SSPN: variants seen among roughly 807,000 people sequenced by gnomAD.
The protein encoded by SSPN is K-ras oncogene-associated protein.
A neutral mutation model predicts 19.1 loss-of-function variants in SSPN; 15 were observed. The observed-to-expected ratio is 0.78, with a 90% CI of 0.52 to 1.21. The LOEUF is 1.21. SSPN is among the 50% of genes most tolerant of loss of function. SSPN has a pLI of 0.00. For missense variants in SSPN, 291 were observed against 314.0 expected, an observed-to-expected ratio of 0.93 and a Z score of 0.55; for synonymous variants, 147 against 140.3, an observed-to-expected ratio of 1.05 and a Z score of -0.34.
At chr12:26,198,664 C>T (rs1315618441) in intron 1 of SSPN, among the ~76,000 whole-genome samples, 1 of 152,100 alleles carries the variant, frequency 6.6e-6, no homozygotes, top group African/African-American at 2.4e-5. Context: ...TAGTTTGAAC[C>T]CTGAAGAAAA....
intron 1 of SSPN, among the ~76,000 whole-genome samples, chr12:26,222,820 T>C (rs1021802194): frequency 4.6e-5 from 7 of 152,236 alleles, no homozygotes; most frequent in Admixed American, 1.3e-4. Flanking sequence ...GCCAGCCTTC[T>C]TTCAGCAGGC....
At chr12:26,201,011 GTATATATA>G (rs869035319) in intron 1 of SSPN, among the ~76,000 whole-genome samples, 4 of 76,044 alleles carry the variant, frequency 5.3e-5, no homozygotes, top group Admixed American at 1.8e-4. Flanking sequence ...GTTAATTTGT[GTATATATA>G]TATATATATA....
At chr12:26,130,089 A>G (rs1030411861) in intron 1 of SSPN, among the ~76,000 whole-genome samples, 1 of 152,176 alleles carries the variant, frequency 6.6e-6, no homozygotes, top group Non-Finnish European at 1.5e-5. Context: ...GAAAAGTAGC[A>G]TGAGGAGGAG....
intron 1 of SSPN, among the ~76,000 whole-genome samples, chr12:26,139,897 A>G (rs1162639911): frequency 6.6e-6 from 1 of 152,204 alleles, no homozygotes; most frequent in Non-Finnish European, 1.5e-5. Flanking sequence ...ACTCTTTGCC[A>G]GCACTAGGTG....
At chr12:26,122,976 A>C (rs1308098877) in intron 1 of SSPN, 1 of 1,564,370 alleles carries the variant, frequency 6.4e-7, no homozygotes, top group Non-Finnish European at 8.7e-7. Flanking sequence ...CTGTTGAGTC[A>C]ACAGCTGCGG....
At chr12:26,215,823 C>G (rs1945041784) in intron 1 of SSPN, among the ~76,000 whole-genome samples, 1 of 152,178 alleles carries the variant, frequency 6.6e-6, no homozygotes, top group Admixed American at 6.5e-5. Context: ...ATTTAAATAG[C>G]AATGAAGACA....
Position 26,122,221 on chromosome 12 carries a change from T to C in SSPN, c.-31+69T>C. On this transcript the variant is annotated intron_variant, in intron 1 of 2. Coordinates refer to the SSPN transcript ENST00000538142. ...GGCGCCACCTCGTGCGGCAGGAGGG[T>C]CGCGGCGGCGGCGCCCGCCTTCTCG... 6.9e-6 allele frequency: 9 copies of C among 1,301,464 alleles called. No individual in the cohort carries two copies. Among genetic ancestry groups the C allele is most frequent in the Non-Finnish European group, 8.8e-6 (9 of 1,027,860 alleles). 80.6% of individuals were successfully genotyped at this position (1,301,464 alleles called of 1,614,324 possible).
intron 1 of SSPN, among the ~76,000 whole-genome samples, chr12:26,223,399 C>T (rs1034137648): frequency 1.3e-5 from 2 of 152,144 alleles, no homozygotes; most frequent in South Asian, 2.1e-4. Context: ...TCAGTAAAGA[C>T]GGGTTTCACC....
At chr12:26,175,812 A>C (rs1444680192) in intron 1 of SSPN, among the ~76,000 whole-genome samples, 1 of 149,626 alleles carries the variant, frequency 6.7e-6, no homozygotes, top group Non-Finnish European at 1.5e-5. Flanking sequence ...AGCAAATTCA[A>C]TTCCGAGTAT....
chr12:26,129,012 AGGATTAAAGTTTCCATGG>A (rs1201430760), intron 1 of SSPN, among the ~76,000 whole-genome samples: 1 of 152,212 alleles, frequency 6.6e-6, no homozygotes, highest in Non-Finnish European at 1.5e-5. Context: ...CTTGCCTGAA[AGGATTAAAGTTTCCATGG>A]GGAATAGAGG....
intron 1 of SSPN, among the ~76,000 whole-genome samples, chr12:26,146,912 T>C (rs996501470): frequency 6.6e-6 from 1 of 151,786 alleles, no homozygotes; most frequent in African/African-American, 2.4e-5. Context: ...AAAAGCAGTA[T>C]GTATATTACA....
chr12:26,124,232 T>A (rs1174886465), intron 1 of SSPN: 2 of 1,168,632 alleles, frequency 1.7e-6, no homozygotes, highest in African/African-American at 1.5e-5. Context: ...AACATTCACT[T>A]ATTGGATATT....
chr12:26,181,164 T>C (rs1284424232), intron 1 of SSPN: 1 of 152,242 alleles, frequency 6.6e-6, no homozygotes, highest in Non-Finnish European at 1.5e-5. Context: ...GTCGTATCAG[T>C]AGATAAACTG....
In SSPN at chr12:26,232,725, TAGATA is replaced by T; in HGVS notation, c.*1651_*1655del. ...GATTGTAAATATCTTTTATGTCCTC[TAGATA>T]AAACACCCGATTAACAGATGTTAAA... On this transcript the variant is annotated 3_prime_UTR_variant, in exon 3 of 3. Transcript: ENST00000242729. 1 of 984,566 alleles carries T rather than the reference TAGATA, an allele frequency of 1.0e-6. No homozygotes were observed. Among genetic ancestry groups the T allele is most frequent in the Non-Finnish European group, 1.2e-6 (1 of 829,172 alleles). 61.0% of individuals were successfully genotyped at this position (984,566 alleles called of 1,614,324 possible).
intron 1 of SSPN, among the ~76,000 whole-genome samples, chr12:26,130,366 C>G (rs1234269132): frequency 6.6e-6 from 1 of 152,198 alleles, no homozygotes; most frequent in Non-Finnish European, 1.5e-5. Flanking sequence ...CATCAATTGT[C>G]AGATGGTGTC....
At chr12:26,154,038 C>T (rs1013656713) in intron 1 of SSPN, among the ~76,000 whole-genome samples, 1 of 152,190 alleles carries the variant, frequency 6.6e-6, no homozygotes. Context: ...AGACTTTCAT[C>T]CTTTGCTTTT....
chr12:26,133,470 G>A (rs1377680681), intron 1 of SSPN, among the ~76,000 whole-genome samples: 1 of 152,134 alleles, frequency 6.6e-6, no homozygotes, highest in Admixed American at 6.5e-5. Context: ...AACAGTTAGG[G>A]TCTAGTAAGG....
chr12:26,203,549 T>C (rs1944904813), intron 1 of SSPN, among the ~76,000 whole-genome samples: 1 of 152,228 alleles, frequency 6.6e-6, no homozygotes, highest in Non-Finnish European at 1.5e-5. Flanking sequence ...GTCTCAGATC[T>C]CTGTGTATTG....
intron 1 of SSPN, among the ~76,000 whole-genome samples, chr12:26,203,845 C>T (rs978002590): frequency 5.9e-5 from 9 of 152,082 alleles, no homozygotes; most frequent in Non-Finnish European, 1.0e-4. Context: ...GGCTTGCAGG[C>T]GGCTGCCTTC....
Sources: allele counts gnomAD v4.1 joint callset (sites outside exome capture counted in the v4.1 genomes callset), GRCh38; gene constraint gnomAD v4.1.1; transcripts MANE v1.5; gene names NCBI Gene and HGNC (gene_info 2026-07-23, HGNC 2026-07-21).